CREB5: variants seen among roughly 807,000 people sequenced by gnomAD.
The protein encoded by CREB5 is cyclic AMP-responsive element-binding protein 5.
In CREB5, 19 loss-of-function variants were observed where a neutral mutation model predicts 57.1. The ratio of observed to expected loss-of-function variants is 0.33; its 90% CI spans 0.23 to 0.49. The LOEUF (loss-of-function observed/expected upper bound fraction) is 0.49. CREB5 is among the 20% of genes least tolerant of loss of function. CREB5 has a pLI of 0.99. For synonymous variants in CREB5, 238 were observed against 238.3 expected (o/e 1.00, Z 0.01); for missense variants, 579 against 671.6 (o/e 0.86, Z 1.52).
chr7:28,698,787 G>C (rs1363648216), intron 5 of CREB5, among the ~76,000 whole-genome samples: 2 of 152,214 alleles, frequency 1.3e-5, no homozygotes, highest in Admixed American at 1.3e-4. Flanking sequence ...CTTCTCTGTT[G>C]AGTAAGCTGT....
intron 1 of CREB5, among the ~76,000 whole-genome samples, chr7:28,481,011 AC>A (rs1480150863): frequency 3.3e-5 from 5 of 152,166 alleles, no homozygotes; most frequent in African/African-American, 1.2e-4. Flanking sequence ...ACATATGAAA[AC>A]CCAATCCCAC....
At position 28,481,913 on chromosome 7, in the gene CREB5, A is replaced by G. The variant is rs570969286; in HGVS notation, c.4-6262A>G. 2.0e-5 allele frequency among the ~76,000 whole-genome samples: 3 copies of G among 152,308 alleles called. No individual in the cohort carries two copies. The South Asian group carries it at 6.2e-4, about 32-fold the overall frequency. ...ACACACAGACACACAGAAAGATACCAAGACAAACACAAAGTAATTGATTTT... is the reference window on the plus strand; with the variant it reads ...ACACACAGACACACAGAAAGATACCGAGACAAACACAAAGTAATTGATTTT... On this transcript the variant is annotated intron_variant, in intron 1 of 10. Transcript: ENST00000357727.
chr7:28,431,611 A>T (rs1788716997), intron 1 of CREB5, among the ~76,000 whole-genome samples: 1 of 152,216 alleles, frequency 6.6e-6, no homozygotes. Flanking sequence ...CCTAAGCAAG[A>T]GTAGCAAAAT....
intron 5 of CREB5, among the ~76,000 whole-genome samples, chr7:28,637,830 GTTATTTT>G (rs1562541342): frequency 6.6e-6 from 1 of 152,138 alleles, no homozygotes; most frequent in African/African-American, 2.4e-5. Flanking sequence ...ATTTATAGTT[GTTATTTT>G]TTATTTTTTA....
chr7:28,360,185 A>G (rs1421005645), intron 1 of CREB5, among the ~76,000 whole-genome samples: 2 of 152,366 alleles, frequency 1.3e-5, no homozygotes, highest in East Asian at 3.9e-4. Flanking sequence ...AGCTAAGAAT[A>G]GAATTACCAC....
At chr7:28,653,838 T>G (rs41332) in intron 5 of CREB5, among the ~76,000 whole-genome samples, 5,265 of 152,290 alleles carry the variant, frequency 0.035, 317 homozygotes, top group African/African-American at 0.12. Context: ...GATTCCTGAC[T>G]ATTAACCAAT....
intron 5 of CREB5, among the ~76,000 whole-genome samples, chr7:28,669,413 A>C (rs549409466): frequency 2.6e-5 from 4 of 152,236 alleles, no homozygotes; most frequent in Non-Finnish European, 5.9e-5. Flanking sequence ...TGGAAATGAA[A>C]TTAGTGAAAT....
intron 1 of CREB5, among the ~76,000 whole-genome samples, chr7:28,470,746 C>T (rs1790771905): frequency 6.6e-6 from 1 of 152,138 alleles, no homozygotes; most frequent in Admixed American, 6.5e-5. Flanking sequence ...TTTGTTATTG[C>T]CTGTCTTTTG....
rs555256758 is a variant in CREB5 at position 28,577,992 on chromosome 7, G to A, written c.464+7455G>A. 1.2e-4 allele frequency among the ~76,000 whole-genome samples: 19 copies of A among 152,288 alleles called. No homozygotes were observed. The South Asian group carries it at 1.9e-3, about 15-fold the overall frequency. On this transcript the variant is annotated intron_variant, in intron 5 of 10. Transcript: ENST00000357727. ...AGTAAACATGTAAAACAAGTCCAAC[G>A]CAAGAGATCTGGATGATGGTTTTGC... is the stretch of plus-strand genomic sequence containing the variant.
At chr7:28,760,074 A>T (rs1805556942) in intron 7 of CREB5, among the ~76,000 whole-genome samples, 1 of 152,224 alleles carries the variant, frequency 6.6e-6, no homozygotes, top group Admixed American at 6.5e-5. Context: ...AAGAGAAAGA[A>T]TTTGGTTTTG....
chr7:28,819,225 C>T lies in CREB5; in HGVS notation c.1473C>T (p.Ser491=), dbSNP rs775436529. ...TSSSVSEVVG[S]STLSQLTTHR... is the part of the protein sequence containing the mutation. Reference sequence around the variant, plus strand: ...CATCGGTCAGCGAGGTGGTAGGAAGCTCCACCCTCAGCCAGCTCACCACTC... The same window carrying T: ...CATCGGTCAGCGAGGTGGTAGGAAGTTCCACCCTCAGCCAGCTCACCACTC... The change falls in exon 11 of 11, where the codon AGC becomes AGT. Residue 491 remains serine, a synonymous_variant. Coordinates refer to ENST00000357727, the MANE Select transcript of CREB5 (RefSeq NM_182898.4). 1 of 1,613,900 alleles carries T rather than the reference C, an allele frequency of 6.2e-7. No individual in the cohort carries two copies. The highest frequency in any genetic ancestry group is 1.1e-5 in the South Asian group (1 of 91,066).
intron 5 of CREB5, among the ~76,000 whole-genome samples, chr7:28,621,552 G>T (rs1438962372): frequency 6.6e-6 from 1 of 152,116 alleles, no homozygotes; most frequent in East Asian, 1.9e-4. Context: ...GTTTTCCCTT[G>T]TTTATTTTGT....
intron 5 of CREB5, among the ~76,000 whole-genome samples, chr7:28,578,201 A>G (rs985758390): frequency 2.0e-5 from 3 of 152,236 alleles, no homozygotes; most frequent in African/African-American, 7.2e-5. Context: ...GAGAGTATGT[A>G]GTCTCCCATA....
intron 1 of CREB5, among the ~76,000 whole-genome samples, chr7:28,399,898 A>G (rs959192541): frequency 6.6e-6 from 1 of 152,288 alleles, no homozygotes; most frequent in East Asian, 1.9e-4. Context: ...CCACTAAAAA[A>G]AATACAAAAA....
chr7:28,825,818 A>G lies in CREB5; in HGVS notation c.*6539A>G, dbSNP rs1810031859. The G allele has an allele frequency of 6.5e-6, 1 of 152,682 alleles. No homozygotes were observed. The highest frequency in any genetic ancestry group is 1.5e-5 in the Non-Finnish European group (1 of 68,052). 9.5% of individuals were successfully genotyped at this position (152,682 alleles called of 1,614,324 possible). ...TTTTACATCTCTTTCTAGCAAGAAGAGACAAGATTTTGTGCATTTGTACAA... is the reference window on the plus strand; with the variant it reads ...TTTTACATCTCTTTCTAGCAAGAAGGGACAAGATTTTGTGCATTTGTACAA... On this transcript the variant is annotated 3_prime_UTR_variant, in exon 11 of 11. Transcript: ENST00000357727.
chr7:28,819,090 T>A, intron 10 of CREB5, 26 bp from the exon 11 acceptor site: 1 of 1,606,040 alleles, frequency 6.2e-7, no homozygotes, highest in Middle Eastern at 1.7e-4. Flanking sequence ...TGTATGTGTG[T>A]GTGTTGTCTT....
rs1309603882 is a variant in CREB5, at chr7:28,819,607, A to G, written c.*328A>G. ...ATCAGTCCAACCCTTTGCCTGAAAC[A>G]TTGAATCTTGTTAAACCACAGCTTT... On this transcript the variant is annotated 3_prime_UTR_variant, in exon 11 of 11. Transcript: ENST00000357727. 1 of 190,548 alleles carries G rather than the reference A, an allele frequency of 5.2e-6. No individual in the cohort carries two copies. Among genetic ancestry groups the G allele is most frequent in the Non-Finnish European group, 1.1e-5 (1 of 91,808 alleles). The allele number at this position is 190,548 out of a possible 1,614,324, so 11.8% of individuals were successfully genotyped here.
intron 5 of CREB5, among the ~76,000 whole-genome samples, chr7:28,672,195 A>ACC (rs1268117053): frequency 6.6e-6 from 1 of 151,616 alleles, no homozygotes; most frequent in African/African-American, 2.4e-5. Context: ...AAAAACACAC[A>ACC]CACACACACA....
At chr7:28,678,433 G>T (rs1365287522) in intron 5 of CREB5, among the ~76,000 whole-genome samples, 1 of 152,004 alleles carries the variant, frequency 6.6e-6, no homozygotes, top group East Asian at 1.9e-4. Context: ...ATACAAGCCT[G>T]CATTATTTAT....
Sources: gnomAD v4.1 joint callset for allele counts (sites outside exome capture counted in the v4.1 genomes callset) on GRCh38, gnomAD v4.1.1 for gene constraint, MANE v1.5 for transcripts, NCBI Gene and HGNC (gene_info 2026-07-23, HGNC 2026-07-21) for gene names.